NKAIN3: variants seen among roughly 807,000 people sequenced by gnomAD.
NKAIN3 encodes sodium/potassium-transporting ATPase subunit beta-1-interacting protein 3.
NKAIN3 carries 25 observed loss-of-function variants against 30.2 expected under a neutral mutation model. The ratio of observed to expected loss-of-function variants is 0.83; its 90% CI spans 0.60 to 1.16. The LOEUF (loss-of-function observed/expected upper bound fraction) is 1.16, where lower values mean the gene tolerates loss of function less well. Among genes scored for constraint, NKAIN3 ranks in the 50% most tolerant of loss-of-function variants. NKAIN3 has a pLI of 0.00. For synonymous variants in NKAIN3, 91 were observed against 89.6 expected (o/e 1.02, Z -0.09); for missense variants, 225 against 254.1 (o/e 0.89, Z 0.78).
chr8:62,899,566 G>C (rs567957068), intron 4 of NKAIN3, among the ~76,000 whole-genome samples: 16 of 152,120 alleles, frequency 1.1e-4, no homozygotes, highest in Non-Finnish European at 2.2e-4. Context: ...ACAGTAGAAG[G>C]ATGGTTACCA....
At chr8:62,828,883 A>C (rs1222179759) in intron 4 of NKAIN3, among the ~76,000 whole-genome samples, 1 of 152,118 alleles carries the variant, frequency 6.6e-6, no homozygotes, top group Admixed American at 6.5e-5. Context: ...CTTGCCAGAC[A>C]TGTGAGTGAG....
At chr8:62,572,424 T>C (rs1161082549) in intron 1 of NKAIN3, among the ~76,000 whole-genome samples, 2 of 152,192 alleles carry the variant, frequency 1.3e-5, no homozygotes, top group Non-Finnish European at 2.9e-5. Context: ...TCTGTGTTCT[T>C]TTGAGCCCTC....
intron 4 of NKAIN3, among the ~76,000 whole-genome samples, chr8:62,759,436 G>C (rs1816568645): frequency 6.6e-6 from 1 of 152,032 alleles, no homozygotes; most frequent in Admixed American, 6.6e-5. Flanking sequence ...AGCAGTTGCA[G>C]ACTATATTTC....
chr8:62,506,070 A>G (rs1356691536), intron 1 of NKAIN3, among the ~76,000 whole-genome samples: 2 of 152,132 alleles, frequency 1.3e-5, no homozygotes, highest in Non-Finnish European at 2.9e-5. Flanking sequence ...CTGCAGCTGA[A>G]AAAGATTCTC....
At chr8:62,785,443 G>A (rs1157220668) in intron 4 of NKAIN3, among the ~76,000 whole-genome samples, 1 of 152,110 alleles carries the variant, frequency 6.6e-6, no homozygotes, top group Non-Finnish European at 1.5e-5. Context: ...GAGGAGAGAT[G>A]GAGAGTGACT....
chr8:62,697,853 G>A (rs138668751), intron 3 of NKAIN3, among the ~76,000 whole-genome samples: 16 of 152,200 alleles, frequency 1.1e-4, no homozygotes, highest in African/African-American at 3.6e-4. Context: ...GGAGTAAAAA[G>A]TTGCCATTCC....
At position 62,846,310 on chromosome 8, in the gene NKAIN3, A is replaced by AT. The variant is rs577280979; in HGVS notation, c.472-72135dup. On this transcript the variant is annotated intron_variant, in intron 4 of 6. Coordinates refer to ENST00000623646, the MANE Select transcript of NKAIN3 (RefSeq NM_001304533.3). The stretch of plus-strand genomic sequence containing the variant: ...TAACAGAATCTTCTTTTTCCAGTTG[A>AT]TTTTTTTTATTTCCAACTTTTATTT... Among the ~76,000 whole-genome samples, 140 of 151,998 alleles carry AT rather than the reference A, an allele frequency of 9.2e-4. No individual in the cohort carries two copies. In the East Asian group the frequency reaches 9.7e-3, roughly 10 times the overall value.
At chr8:62,599,287 G>A (rs2130140151) in intron 3 of NKAIN3, among the ~76,000 whole-genome samples, 1 of 152,084 alleles carries the variant, frequency 6.6e-6, no homozygotes, top group South Asian at 2.1e-4. Flanking sequence ...GAAGGTAATG[G>A]ATGCCTTGTT....
At chr8:62,570,787 AGGCAGCTCAAAG>A (rs1809911677) in intron 1 of NKAIN3, among the ~76,000 whole-genome samples, 1 of 152,136 alleles carries the variant, frequency 6.6e-6, no homozygotes. Context: ...CCTTTCCAAC[AGGCAGCTCAAAG>A]TGAGCTGCCT....
At chr8:62,889,128 G>A (rs1322416940) in intron 4 of NKAIN3, among the ~76,000 whole-genome samples, 1 of 152,098 alleles carries the variant, frequency 6.6e-6, no homozygotes. Flanking sequence ...CAGCACTTTG[G>A]GAGTCTGAGG....
At chr8:62,931,396 AAGATTTTATATACCAAGC>A (rs1269178646) in intron 5 of NKAIN3, among the ~76,000 whole-genome samples, 4 of 152,216 alleles carry the variant, frequency 2.6e-5, no homozygotes, top group African/African-American at 9.6e-5. Flanking sequence ...AAGAACTAAA[AAGATTTTATATACCAAGC>A]AGACACAGAT....
intron 1 of NKAIN3, among the ~76,000 whole-genome samples, chr8:62,545,792 T>C (rs1808986161): frequency 6.6e-6 from 1 of 152,168 alleles, no homozygotes. Context: ...CCATTTTGCA[T>C]AGGTATGTAA....
At chr8:62,582,349 C>T (rs1221586710) in intron 2 of NKAIN3, among the ~76,000 whole-genome samples, 1 of 152,126 alleles carries the variant, frequency 6.6e-6, no homozygotes, top group African/African-American at 2.4e-5. Flanking sequence ...TGGGTGCTTA[C>T]CTTACAGTGC....
intron 4 of NKAIN3, among the ~76,000 whole-genome samples, chr8:62,852,287 G>T (rs1255256025): frequency 2.0e-5 from 3 of 152,108 alleles, no homozygotes; most frequent in Non-Finnish European, 4.4e-5. Context: ...ATTTCTGTGG[G>T]ATCGGTGGTG....
intron 1 of NKAIN3, among the ~76,000 whole-genome samples, chr8:62,492,348 T>G (rs1807097669): frequency 6.6e-6 from 1 of 152,162 alleles, no homozygotes; most frequent in Non-Finnish European, 1.5e-5. Context: ...TGTGAAACTT[T>G]GTAAATATAG....
At chr8:62,359,862 G>C (rs376004737) in intron 1 of NKAIN3, among the ~76,000 whole-genome samples, 2 of 152,176 alleles carry the variant, frequency 1.3e-5, no homozygotes, top group East Asian at 3.9e-4. Context: ...TGTGTAAAAA[G>C]TAGATGGAAA....
At chr8:62,579,754 G>T in intron 2 of NKAIN3, 78 bp downstream of exon 2, 1 of 835,318 alleles carries the variant, frequency 1.2e-6, no homozygotes, top group Non-Finnish European at 1.7e-6. Flanking sequence ...ATATTTCTAA[G>T]TGGCCCCTTC....
At chr8:62,292,962 C>T (rs1365338901) in intron 1 of NKAIN3, among the ~76,000 whole-genome samples, 2 of 150,632 alleles carry the variant, frequency 1.3e-5, no homozygotes, top group Non-Finnish European at 2.9e-5. Context: ...CTTGTCTTCT[C>T]ACTTCATTTC....
intron 1 of NKAIN3, among the ~76,000 whole-genome samples, chr8:62,398,237 CA>C (rs1817828861): frequency 6.6e-6 from 1 of 152,194 alleles, no homozygotes. Flanking sequence ...TGGTAAAAAG[CA>C]AGCTGTTTCT....
Sources: gnomAD v4.1 joint callset for allele counts (sites outside exome capture counted in the v4.1 genomes callset) on GRCh38, gnomAD v4.1.1 for gene constraint, MANE v1.5 for transcripts, NCBI Gene and HGNC (gene_info 2026-07-23, HGNC 2026-07-21) for gene names.